UXS1: variants seen among roughly 807,000 people sequenced by gnomAD.
The protein encoded by UXS1 is UDP-glucuronic acid decarboxylase 1.
UXS1 carries 33 observed loss-of-function variants against 62.6 expected under a neutral mutation model. That is an observed-to-expected ratio of 0.53 (90% CI 0.40 to 0.70). The LOEUF (loss-of-function observed/expected upper bound fraction) is 0.70. UXS1 is among the 30% of genes least tolerant of loss of function. The pLI is 0.00. For synonymous variants in UXS1, 213 were observed against 206.8 expected (o/e 1.03, Z -0.26); for missense variants, 434 against 556.3 (o/e 0.78, Z 2.21).
chr2:106,097,685 A>C, intron 13 of UXS1: 1 of 192,824 alleles, frequency 5.2e-6, no homozygotes, highest in Non-Finnish European at 1.1e-5. Context: ...AATTTCTAAC[A>C]CACATCTGAT....
chr2:106,122,762 G>C (rs1468750055), intron 9 of UXS1, among the ~76,000 whole-genome samples: 2 of 152,150 alleles, frequency 1.3e-5, no homozygotes, highest in Non-Finnish European at 2.9e-5. Flanking sequence ...CCCAAGAATT[G>C]ATCTCTAGGA....
intron 7 of UXS1, among the ~76,000 whole-genome samples, chr2:106,127,950 G>A (rs576740741): frequency 6.6e-6 from 1 of 152,140 alleles, no homozygotes; most frequent in African/African-American, 2.4e-5. Context: ...AGGTATCATC[G>A]ACGCTTGTGC....
intron 1 of UXS1, among the ~76,000 whole-genome samples, chr2:106,178,446 A>ATAT (rs1023470474): frequency 4.6e-5 from 7 of 152,154 alleles, no homozygotes; most frequent in Non-Finnish European, 8.8e-5. Context: ...GTGTATGTAT[A>ATAT]TATGTATGTG....
intron 8 of UXS1, 68 bp downstream of exon 8, chr2:106,125,552 C>A: frequency 7.0e-7 from 1 of 1,436,862 alleles, no homozygotes; most frequent in Non-Finnish European, 9.3e-7. Context: ...ACACTGGACT[C>A]TTCTGAGACA....
intron 10 of UXS1, among the ~76,000 whole-genome samples, chr2:106,108,877 T>G (rs1271403198): frequency 6.6e-6 from 1 of 152,206 alleles, no homozygotes; most frequent in African/African-American, 2.4e-5. Context: ...GGCCCATTTG[T>G]GCACTTCCTT....
At chr2:106,094,570 G>T (rs1324507668) in intron 14 of UXS1, among the ~76,000 whole-genome samples, 1 of 152,088 alleles carries the variant, frequency 6.6e-6, no homozygotes, top group East Asian at 1.9e-4. Flanking sequence ...GCTTTGGGAA[G>T]GTGATCTGCA....
chr2:106,095,025 C>T (rs1416465572), intron 14 of UXS1, among the ~76,000 whole-genome samples: 2 of 152,092 alleles, frequency 1.3e-5, no homozygotes, highest in African/African-American at 4.8e-5. Context: ...TGGATCATAT[C>T]CCTCAAAAAT....
intron 1 of UXS1, among the ~76,000 whole-genome samples, chr2:106,172,181 G>A (rs560774995): frequency 2.0e-5 from 3 of 152,368 alleles, no homozygotes; most frequent in Admixed American, 6.5e-5. Context: ...CTGAGAGGGC[G>A]TGGAGAACCC....
At chr2:106,176,998 G>T (rs887142695) in intron 1 of UXS1, among the ~76,000 whole-genome samples, 123 of 152,168 alleles carry the variant, frequency 8.1e-4, no homozygotes, top group African/African-American at 2.1e-3. Flanking sequence ...ATATGCCCAG[G>T]GGAAAAAATT....
At chr2:106,138,637 C>G (rs1403053276) in intron 6 of UXS1, 1 of 985,394 alleles carries the variant, frequency 1.0e-6, no homozygotes, top group Admixed American at 6.1e-5. Context: ...TTTCCATCCC[C>G]AAAGGCCATT....
intron 1 of UXS1, among the ~76,000 whole-genome samples, chr2:106,187,813 C>A (rs890588080): frequency 1.3e-5 from 2 of 151,156 alleles, no homozygotes; most frequent in Admixed American, 1.3e-4. Flanking sequence ...ACGATCTTGG[C>A]CCACTGCAAT....
intron 5 of UXS1, among the ~76,000 whole-genome samples, chr2:106,154,002 A>T (rs1173267464): frequency 6.6e-6 from 1 of 152,234 alleles, no homozygotes; most frequent in Non-Finnish European, 1.5e-5. Context: ...GCAAACTTGG[A>T]CTGAAAGGGC....
At chr2:106,187,324 G>C (rs1208731643) in intron 1 of UXS1, among the ~76,000 whole-genome samples, 1 of 152,146 alleles carries the variant, frequency 6.6e-6, no homozygotes, top group African/African-American at 2.4e-5. Flanking sequence ...GTCAGCCTGG[G>C]AATGCCACCG....
chr2:106,101,205 A>AGG (rs1677568635), intron 11 of UXS1, 87 bp from the exon 12 acceptor site: 1 of 1,364,932 alleles, frequency 7.3e-7, no homozygotes, highest in African/African-American at 1.5e-5. Flanking sequence ...CAGAAGAAAA[A>AGG]TTACCACCCC....
chr2:106,158,686 G>C (rs116807160), intron 4 of UXS1, among the ~76,000 whole-genome samples: 2 of 152,152 alleles, frequency 1.3e-5, no homozygotes, highest in Admixed American at 1.3e-4. Flanking sequence ...AGTTATGGTA[G>C]GGTCTGAACT....
intron 7 of UXS1, among the ~76,000 whole-genome samples, chr2:106,128,623 GCTTTCTTGGTTCT>G (rs549067577): frequency 7.7e-4 from 117 of 152,234 alleles, no homozygotes; most frequent in Admixed American, 2.5e-3. Context: ...TACACCCCTG[GCTTTCTTGGTTCT>G]CTTTCTTGCT....
chr2:106,093,787 A>G lies in UXS1; in HGVS notation c.*239T>C, dbSNP rs1428735749. Reference sequence around the variant, plus strand: ...GATAAAAAAACTTGAAAATACGCAGAGATGCATCTACGCTATTTTACATAA... The same window carrying G: ...GATAAAAAAACTTGAAAATACGCAGGGATGCATCTACGCTATTTTACATAA... On this transcript the variant is annotated 3_prime_UTR_variant, in exon 15 of 15. Transcript: ENST00000283148. 6 of 431,382 alleles carry G rather than the reference A, an allele frequency of 1.4e-5. No homozygotes were observed. In the East Asian group the frequency reaches 2.3e-4, roughly 17 times the overall value. 26.7% of individuals were successfully genotyped at this position (431,382 alleles called of 1,614,324 possible).
At chr2:106,108,078 G>A (rs1678240873) in intron 10 of UXS1, among the ~76,000 whole-genome samples, 1 of 152,224 alleles carries the variant, frequency 6.6e-6, no homozygotes, top group Non-Finnish European at 1.5e-5. Context: ...AGGCTAAGAT[G>A]CAATGTCAGT....
chr2:106,153,133 G>C (rs2105023460), intron 5 of UXS1, among the ~76,000 whole-genome samples: 1 of 152,226 alleles, frequency 6.6e-6, no homozygotes, highest in South Asian at 2.1e-4. Context: ...CTAAATCCGA[G>C]GCCAGCTTGT....
Sources: gnomAD v4.1 joint callset for allele counts (sites outside exome capture counted in the v4.1 genomes callset) on GRCh38, gnomAD v4.1.1 for gene constraint, MANE v1.5 for transcripts, NCBI Gene and HGNC (gene_info 2026-07-23, HGNC 2026-07-21) for gene names.